The following PAX7 variants were observed in gnomAD, a reference collection of about 807,000 sequenced individuals.
PAX7 encodes the protein paired box protein Pax-7.
In PAX7, 18 loss-of-function variants were observed where a neutral mutation model predicts 50.7. The observed-to-expected ratio is 0.36, with a 90% CI of 0.25 to 0.53. The LOEUF is 0.53. PAX7 is among the 20% of genes least tolerant of loss of function. PAX7 has a pLI of 0.93. For missense variants in PAX7, 644 were observed against 702.9 expected (o/e 0.92, Z 0.95); for synonymous variants, 310 against 290.4 (o/e 1.07, Z -0.69).
chr1:18,694,352 G>A lies in PAX7; in HGVS notation c.786+2399G>A, dbSNP rs60296314. On this transcript the variant is annotated intron_variant, in intron 5 of 8. Coordinates refer to ENST00000420770, the MANE Select transcript of PAX7 (RefSeq NM_001135254.2). ...CGCATGCCTGTAATCCCAGCTACTC[G>A]GGAGACTGAGGCAGGAGAATCGCTT... Among the ~76,000 whole-genome samples the A allele has an allele frequency of 2.6e-3, 399 of 151,872 alleles. 1 individual carries two copies. Among genetic ancestry groups the A allele is most frequent in the African/African-American group, 9.3e-3 (385 of 41,386 alleles).
rs184999113 is a variant in PAX7 at position 18,635,967 on chromosome 1, T to A, written c.452-270T>A. ...GGGTGGAAGTGCACCTAGGCAGGTG[T>A]TAGTGTAAGGCACGAATGCATGCAA... is the stretch of plus-strand genomic sequence containing the variant. On this transcript the variant is annotated intron_variant, in intron 3 of 8. Transcript: ENST00000420770. Among the ~76,000 whole-genome samples the A allele has an allele frequency of 2.0e-5, 3 of 152,012 alleles. No individual in the cohort carries two copies. In the East Asian group the frequency reaches 5.8e-4, roughly 30 times the overall value.
intron 7 of PAX7, among the ~76,000 whole-genome samples, chr1:18,729,743 T>C (rs1279437503): frequency 2.6e-5 from 4 of 152,150 alleles, no homozygotes; most frequent in Admixed American, 6.5e-5. Flanking sequence ...ATTTGTACTT[T>C]GATGGTTCCT....
intron 7 of PAX7, among the ~76,000 whole-genome samples, chr1:18,733,838 G>A (rs2089677530): frequency 6.6e-6 from 1 of 152,196 alleles, no homozygotes; most frequent in South Asian, 2.1e-4. Flanking sequence ...GCCAGGGTCA[G>A]GCGAACTGAG....
At chr1:18,720,772 G>T (rs1021435261) in intron 7 of PAX7, among the ~76,000 whole-genome samples, 2 of 151,704 alleles carry the variant, frequency 1.3e-5, no homozygotes, top group Non-Finnish European at 2.9e-5. Context: ...ACAGAAACAG[G>T]AGCAAGAAAA....
chr1:18,712,765 G>C (rs578064649), intron 7 of PAX7, among the ~76,000 whole-genome samples: 1 of 152,186 alleles, frequency 6.6e-6, no homozygotes, highest in Admixed American at 6.5e-5. Context: ...CCGAACAAGA[G>C]GTGGGTGGAG....
intron 4 of PAX7, among the ~76,000 whole-genome samples, chr1:18,651,220 T>G (rs1290070457): frequency 6.6e-6 from 1 of 152,074 alleles, no homozygotes; most frequent in Non-Finnish European, 1.5e-5. Flanking sequence ...TAAAATGAGA[T>G]GAAAGACCTG....
intron 7 of PAX7, among the ~76,000 whole-genome samples, chr1:18,706,857 C>A (rs1041244602): frequency 6.6e-6 from 1 of 152,088 alleles, no homozygotes; most frequent in African/African-American, 2.4e-5. Flanking sequence ...AGAACCTGGA[C>A]AGACCCGGGT....
chr1:18,716,690 T>A (rs1330706743), intron 7 of PAX7, among the ~76,000 whole-genome samples: 4 of 151,080 alleles, frequency 2.6e-5, no homozygotes, highest in Non-Finnish European at 4.4e-5. Context: ...CACTCCATTC[T>A]CTCAAACCCT....
rs186138434 is a variant in PAX7 at position 18,671,611 on chromosome 1, G to A, written c.587-20143G>A. Among the ~76,000 whole-genome samples the A allele has an allele frequency of 3.2e-4, 48 of 152,192 alleles. No individual in the cohort carries two copies. In the South Asian group the frequency reaches 8.1e-3, roughly 26 times the overall value. ...GCATCTCGGAGGGCTCAGCAGGCCT[G>A]GATTCAAATCCTGAATCTTGGCCCT... On this transcript the variant is annotated intron_variant, in intron 4 of 8. Transcript: ENST00000420770.
chr1:18,695,650 G>A (rs1021134569), intron 5 of PAX7, among the ~76,000 whole-genome samples: 2 of 152,212 alleles, frequency 1.3e-5, no homozygotes, highest in Admixed American at 1.3e-4. Context: ...CCAAGGGGGT[G>A]TCAGGCAGGA....
Position 18,735,523 on chromosome 1 carries a change from A to G in PAX7, c.1156-109A>G. The G allele has an allele frequency of 6.6e-7, 1 of 1,515,280 alleles. No homozygotes were observed. The highest frequency in any genetic ancestry group is 8.9e-7 in the Non-Finnish European group (1 of 1,129,278). The allele number at this position is 1,515,280 out of a possible 1,614,324, so 93.9% of individuals were successfully genotyped here. ...CTCGAAGCTACAGAGACTTCAAGGG[A>G]ACAACTCTGGCAAAGAGTGTTCCAG... On this transcript the variant is annotated intron_variant, in intron 7 of 8. Coordinates refer to ENST00000420770, the MANE Select transcript of PAX7 (RefSeq NM_001135254.2). The surrounding 1 kb of genome is among the most constrained non-coding windows in gnomAD (Gnocchi z 4.0).
At position 18,631,173 on chromosome 1, in the gene PAX7, C is replaced by T. The variant is rs905671463; in HGVS notation, c.-431C>T. 30 of 236,532 alleles carry T rather than the reference C, an allele frequency of 1.3e-4. No homozygotes were observed. Among genetic ancestry groups the T allele is most frequent in the Non-Finnish European group, 1.7e-4 (20 of 120,618 alleles). 14.7% of individuals were successfully genotyped at this position (236,532 alleles called of 1,614,324 possible). Reference sequence around the variant, plus strand: ...GGCCCCGAGCGCCAGAGCGCCAGAGCGCGAGAGCGCGGCGCTCGCCACTCT... The same window carrying T: ...GGCCCCGAGCGCCAGAGCGCCAGAGTGCGAGAGCGCGGCGCTCGCCACTCT... On this transcript the variant is annotated 5_prime_UTR_variant, in exon 1 of 9. Transcript: ENST00000420770.
At chr1:18,685,898 T>TCCATCACCATCACCATCACCATCA (rs561049071) in intron 4 of PAX7, among the ~76,000 whole-genome samples, 52 of 151,886 alleles carry the variant, frequency 3.4e-4, no homozygotes, top group African/African-American at 1.2e-3. Context: ...CAACCTTCCA[T>TCCATCACCATCACCATCACCATCA]CCATCACCAT....
At chr1:18,713,130 C>A (rs918679560) in intron 7 of PAX7, among the ~76,000 whole-genome samples, 10 of 152,134 alleles carry the variant, frequency 6.6e-5, no homozygotes, top group African/African-American at 2.4e-4. Flanking sequence ...TGCCCACCAG[C>A]AAAACATCTT....
Position 18,725,842 on chromosome 1 carries a change from G to A in PAX7, c.1156-9790G>A, listed in dbSNP as rs188493780. ...CCTGAGCCCTTGGACCCATCCTGGC[G>A]TGGGCACCTTCAGACTCAGGCCAAC... is the stretch of plus-strand genomic sequence containing the variant. On this transcript the variant is annotated intron_variant, in intron 7 of 8. Coordinates refer to ENST00000420770, the MANE Select transcript of PAX7 (RefSeq NM_001135254.2). Among the ~76,000 whole-genome samples the A allele has an allele frequency of 5.2e-4, 72 of 138,024 alleles. 1 individual carries two copies. The highest frequency in any genetic ancestry group is 1.2e-3 in the African/African-American group (48 of 40,664). The allele number at this position is 138,024 out of a possible 152,430, so 90.5% of individuals were successfully genotyped here.
intron 4 of PAX7, among the ~76,000 whole-genome samples, chr1:18,640,572 A>G (rs949021815): frequency 4.6e-5 from 7 of 152,178 alleles, no homozygotes; most frequent in Admixed American, 4.6e-4. Context: ...GATTTAAACC[A>G]ACAAGTTCCC....
intron 4 of PAX7, among the ~76,000 whole-genome samples, chr1:18,649,702 T>C (rs1183130117): frequency 6.6e-6 from 1 of 152,196 alleles, no homozygotes; most frequent in East Asian, 1.9e-4. Context: ...GAAGGGTTAG[T>C]CTGTCCACCA....
intron 5 of PAX7, among the ~76,000 whole-genome samples, chr1:18,693,889 A>C (rs1365740982): frequency 6.6e-6 from 1 of 151,962 alleles, no homozygotes; most frequent in East Asian, 1.9e-4. Flanking sequence ...GGCCCAGGGG[A>C]CTCAGAAACA....
chr1:18,661,885 G>T (rs962352568), intron 4 of PAX7, among the ~76,000 whole-genome samples: 1 of 152,224 alleles, frequency 6.6e-6, no homozygotes, highest in African/African-American at 2.4e-5. Context: ...GAAGTTAAGC[G>T]GCTGCCTGTT....
Sources: gnomAD v4.1 joint callset for allele counts (sites outside exome capture counted in the v4.1 genomes callset) on GRCh38, gnomAD v4.1.1 for gene constraint, Gnocchi (gnomAD v3.1) non-coding constraint, MANE v1.5 for transcripts, NCBI Gene and HGNC (gene_info 2026-07-23, HGNC 2026-07-21) for gene names.